CNTNAP2: variants seen among roughly 807,000 people sequenced by gnomAD.
CNTNAP2 encodes the protein contactin-associated protein-like 2.
A neutral mutation model predicts 155.2 loss-of-function variants in CNTNAP2; 98 were observed. The observed-to-expected ratio is 0.63, with a 90% CI of 0.54 to 0.75. The LOEUF (loss-of-function observed/expected upper bound fraction) is 0.75. CNTNAP2 is among the 30% of genes least tolerant of loss of function. CNTNAP2 has a pLI of 0.00. For missense variants in CNTNAP2, 1,727 were observed against 1,688.1 expected (o/e 1.02, Z -0.40); for synonymous variants, 651 against 631.2 (o/e 1.03, Z -0.47).
intron 20 of CNTNAP2, among the ~76,000 whole-genome samples, chr7:148,259,288 G>A (rs1205168609): frequency 2.7e-5 from 4 of 148,246 alleles, no homozygotes; most frequent in Admixed American, 1.4e-4. Context: ...CCTGAGAAGT[G>A]GAGTCTGCAG....
intron 1 of CNTNAP2, among the ~76,000 whole-genome samples, chr7:146,212,807 T>A (rs1799056925): frequency 6.6e-6 from 1 of 152,206 alleles, no homozygotes; most frequent in Admixed American, 6.5e-5. Flanking sequence ...CAAAATGCTC[T>A]TCATAGGTGA....
At position 148,361,726 on chromosome 7, in the gene CNTNAP2, G is replaced by T. The variant is rs184573068; in HGVS notation, c.3476-21923G>T. Among the ~76,000 whole-genome samples the T allele has an allele frequency of 1.1e-4, 16 of 152,314 alleles. No homozygotes were observed. The East Asian group carries it at 3.1e-3, about 29-fold the overall frequency. On this transcript the variant is annotated intron_variant, in intron 21 of 23. Transcript: ENST00000361727. ...TATTAGTCCGTTCTCACGCTGCTAT[G>T]AAGAAATGCCCAAGACTGGGTAATT...
chr7:148,297,202 A>AAGGAAGGAGGGAAGGAAGGAAGGG, intron 21 of CNTNAP2, among the ~76,000 whole-genome samples: 1 of 151,724 alleles, frequency 6.6e-6, no homozygotes, highest in African/African-American at 2.4e-5. Context: ...GGAAGGAAGG[A>AAGGAAGGAGGGAAGGAAGGAAGGG]AGGAAAAACA....
At chr7:147,605,913 C>CTGTGTG (rs927873454) in intron 12 of CNTNAP2, among the ~76,000 whole-genome samples, 2 of 150,916 alleles carry the variant, frequency 1.3e-5, no homozygotes, top group African/African-American at 4.9e-5. Flanking sequence ...CTTTCTCTCT[C>CTGTGTG]TCTGTGTGTG....
At chr7:146,295,613 T>A (rs1377404924) in intron 1 of CNTNAP2, among the ~76,000 whole-genome samples, 1 of 151,850 alleles carries the variant, frequency 6.6e-6, no homozygotes, top group Non-Finnish European at 1.5e-5. Flanking sequence ...AAAGAAAAAA[T>A]CGTTTTTATG....
chr7:146,767,653 A>T (rs1208180700), intron 1 of CNTNAP2, among the ~76,000 whole-genome samples: 1 of 152,196 alleles, frequency 6.6e-6, no homozygotes, highest in Non-Finnish European at 1.5e-5. Flanking sequence ...ATATGGTATA[A>T]GTGAAGATAT....
At chr7:147,827,658 C>A (rs918377039) in intron 13 of CNTNAP2, among the ~76,000 whole-genome samples, 2 of 151,838 alleles carry the variant, frequency 1.3e-5, no homozygotes, top group Non-Finnish European at 1.5e-5. Context: ...TTTGAACTTG[C>A]GGAATCTTAG....
At chr7:147,042,544 T>C (rs1325673113) in intron 3 of CNTNAP2, among the ~76,000 whole-genome samples, 1 of 150,504 alleles carries the variant, frequency 6.6e-6, no homozygotes, top group Non-Finnish European at 1.5e-5. Flanking sequence ...CTACTCTGTA[T>C]TTTTTTTTAA....
chr7:146,454,562 G>A (rs1796528231), intron 1 of CNTNAP2, among the ~76,000 whole-genome samples: 1 of 151,806 alleles, frequency 6.6e-6, no homozygotes, highest in Admixed American at 6.6e-5. Flanking sequence ...GTCCTCTTTA[G>A]TGTATAAATA....
At chr7:147,993,387 GA>G (rs1801748740) in intron 15 of CNTNAP2, among the ~76,000 whole-genome samples, 1 of 151,988 alleles carries the variant, frequency 6.6e-6, no homozygotes, top group Non-Finnish European at 1.5e-5. Flanking sequence ...TTCCTTTATG[GA>G]AAAATTCATT....
intron 1 of CNTNAP2, among the ~76,000 whole-genome samples, chr7:146,613,846 A>G (rs1799180889): frequency 6.6e-6 from 1 of 152,092 alleles, no homozygotes; most frequent in Non-Finnish European, 1.5e-5. Flanking sequence ...TTTCTTTCAC[A>G]GTTTTCTGTT....
intron 14 of CNTNAP2, among the ~76,000 whole-genome samples, chr7:147,919,896 T>C (rs1800238911): frequency 1.3e-5 from 2 of 151,700 alleles, no homozygotes; most frequent in African/African-American, 4.8e-5. Flanking sequence ...CACATTTCTG[T>C]TGTTTTAAGC....
chr7:146,975,956 G>A (rs915561111), intron 3 of CNTNAP2, among the ~76,000 whole-genome samples: 9 of 152,132 alleles, frequency 5.9e-5, no homozygotes, highest in Non-Finnish European at 1.5e-5. Flanking sequence ...ACCTTTCATG[G>A]CATAGAGTCA....
intron 13 of CNTNAP2, among the ~76,000 whole-genome samples, chr7:147,752,260 G>A (rs1462715688): frequency 1.3e-5 from 2 of 152,096 alleles, no homozygotes; most frequent in East Asian, 3.9e-4. Flanking sequence ...TTTGTTCTGT[G>A]CAAGAAAACC....
chr7:146,273,337 T>C (rs931614500), intron 1 of CNTNAP2, among the ~76,000 whole-genome samples: 1 of 152,060 alleles, frequency 6.6e-6, no homozygotes, highest in Non-Finnish European at 1.5e-5. Flanking sequence ...CCAAGTGTAA[T>C]ATAAAAATGT....
chr7:148,261,405 C>A (rs892549416), intron 20 of CNTNAP2, among the ~76,000 whole-genome samples: 7 of 152,198 alleles, frequency 4.6e-5, no homozygotes, highest in African/African-American at 1.7e-4. Context: ...GGTGATCCGC[C>A]CACTTTGCCC....
rs532193325 is a variant in CNTNAP2, at chr7:148,210,498, G to A, written c.3011-6790G>A. On this transcript the variant is annotated intron_variant, in intron 18 of 23. Coordinates refer to ENST00000361727, the MANE Select transcript of CNTNAP2 (RefSeq NM_014141.6). Reference sequence around the variant, plus strand: ...TGCTCTTAAATTCCAATCCAAGAAGGCCACCCGGCTCCCACACAGTCAAGC... The same window carrying A: ...TGCTCTTAAATTCCAATCCAAGAAGACCACCCGGCTCCCACACAGTCAAGC... Among the ~76,000 whole-genome samples, 17 of 152,284 alleles carry A rather than the reference G, an allele frequency of 1.1e-4. No homozygotes were observed. The South Asian group carries it at 3.3e-3, about 30-fold the overall frequency.
chr7:147,484,254 A>G (rs893093613), intron 10 of CNTNAP2, among the ~76,000 whole-genome samples: 2 of 152,122 alleles, frequency 1.3e-5, no homozygotes, highest in African/African-American at 2.4e-5. Context: ...TCCATCCCTC[A>G]TGATAATTCA....
At chr7:147,946,936 G>A (rs1408581327) in intron 14 of CNTNAP2, among the ~76,000 whole-genome samples, 1 of 152,160 alleles carries the variant, frequency 6.6e-6, no homozygotes, top group Non-Finnish European at 1.5e-5. Context: ...ATAATCCAGT[G>A]AGGTCCTGAC....
Sources: allele counts gnomAD v4.1 joint callset (sites outside exome capture counted in the v4.1 genomes callset), GRCh38; gene constraint gnomAD v4.1.1; transcripts MANE v1.5; gene names NCBI Gene and HGNC (gene_info 2026-07-23, HGNC 2026-07-21).